ODAD2: variants seen among roughly 807,000 people sequenced by gnomAD.
The protein encoded by ODAD2 is outer dynein arm docking complex subunit 2, also known as outer dynein arm-docking complex subunit 2.
In ODAD2, 89 loss-of-function variants were observed where a neutral mutation model predicts 106.8. The ratio of observed to expected loss-of-function variants is 0.83; its 90% CI spans 0.70 to 0.99. ODAD2 has a LOEUF of 0.99. ODAD2 is among the 50% of genes least tolerant of loss of function. The probability of loss-of-function intolerance (pLI) is 0.00; values close to 1 mark genes in which losing one functional copy is unlikely to be tolerated. For missense variants in ODAD2, 1,168 were observed against 1,238.5 expected (o/e 0.94, Z 0.85); for synonymous variants, 404 against 436.2 (o/e 0.93, Z 0.92).
At chr10:27,874,285 C>G (rs1360116491) in intron 17 of ODAD2, among the ~76,000 whole-genome samples, 2 of 152,192 alleles carry the variant, frequency 1.3e-5, no homozygotes, top group Non-Finnish European at 2.9e-5. Flanking sequence ...ATACAGCACA[C>G]TGATGGGTCT....
chr10:27,864,029 T>TA (rs1405919712), intron 17 of ODAD2, among the ~76,000 whole-genome samples: 3 of 152,186 alleles, frequency 2.0e-5, no homozygotes, highest in African/African-American at 7.2e-5. Flanking sequence ...ATCAATTTTT[T>TA]ATCTTAGAAG....
At chr10:27,887,660 T>C (rs1451771846) in intron 17 of ODAD2, among the ~76,000 whole-genome samples, 1 of 151,792 alleles carries the variant, frequency 6.6e-6, no homozygotes, top group African/African-American at 2.4e-5. Flanking sequence ...AAAATAGAAA[T>C]TTGCAGCAGA....
rs375517220 is a variant in ODAD2, at chr10:27,885,656, A to T, written c.2610+22007T>A. ...AATATATATTATATATATTATATATAATATATTATATATAAAATATATATA... is the reference window on the plus strand; with the variant it reads ...AATATATATTATATATATTATATATTATATATTATATATAAAATATATATA... On this transcript the variant is annotated intron_variant, in intron 17 of 19. Coordinates refer to ENST00000305242, the MANE Select transcript of ODAD2 (RefSeq NM_018076.5). Among the ~76,000 whole-genome samples, 52 of 21,302 alleles carry T rather than the reference A, an allele frequency of 2.4e-3. 2 individuals are homozygous for T. Among genetic ancestry groups the T allele is most frequent in the Non-Finnish European group, 4.1e-3 (36 of 8,740 alleles). The allele number at this position is 21,302 out of a possible 152,430, so 14.0% of individuals were successfully genotyped here.
intron 19 of ODAD2, among the ~76,000 whole-genome samples, chr10:27,859,139 C>T (rs746892581): frequency 4.0e-5 from 6 of 151,784 alleles, no homozygotes; most frequent in Non-Finnish European, 8.8e-5. Flanking sequence ...GAAATATCTT[C>T]CTTTTTGAAA....
rs1437853389 is a variant in ODAD2 at position 27,981,576 on chromosome 10, T to C, written c.826A>G (p.Thr276Ala). 1.9e-6 allele frequency: 3 copies of C among 1,541,988 alleles called. No individual in the cohort carries two copies. Among genetic ancestry groups the C allele is most frequent in the Non-Finnish European group, 2.6e-6 (3 of 1,156,504 alleles). ...AGGVFLNGGK[T>A]DDEGDVNYER... ...TAATTAACGTCCCCTTCATCATCTGTTTTGCCCTTTGGGAAAAAACAAGTT... is the reference window on the plus strand; with the variant it reads ...TAATTAACGTCCCCTTCATCATCTGCTTTGCCCTTTGGGAAAAAACAAGTT... Residue 276 changes from threonine to alanine, a missense_variant, in exon 7 of 20, where the codon ACA becomes GCA. Transcript: ENST00000305242.
intron 10 of ODAD2, among the ~76,000 whole-genome samples, chr10:27,947,255 C>G (rs1234969581): frequency 6.6e-6 from 1 of 152,092 alleles, no homozygotes; most frequent in African/African-American, 2.4e-5. Flanking sequence ...TAAGCCAGTA[C>G]TTCCATTTCC....
At chr10:27,969,323 TTA>T in intron 8 of ODAD2, among the ~76,000 whole-genome samples, 1 of 152,022 alleles carries the variant, frequency 6.6e-6, no homozygotes, top group Non-Finnish European at 1.5e-5. Flanking sequence ...TCGCCGCCAA[TTA>T]TAGTTTTCTA....
At chr10:27,880,839 C>A (rs1841654798) in intron 17 of ODAD2, among the ~76,000 whole-genome samples, 1 of 152,140 alleles carries the variant, frequency 6.6e-6, no homozygotes, top group Admixed American at 6.6e-5. Flanking sequence ...TATAGGAGCA[C>A]AAATAGATCA....
chr10:27,909,797 G>A (rs1449863820), intron 16 of ODAD2, among the ~76,000 whole-genome samples: 4 of 110,806 alleles, frequency 3.6e-5, no homozygotes, highest in South Asian at 6.4e-4. Context: ...CAGCTTGGGC[G>A]ACAAAGTGAG....
Position 27,961,718 on chromosome 10 carries a change from A to T in ODAD2, c.1239-3T>A, listed in dbSNP as rs1848155689. ...CCTCAATCTTTTCAGCACTCTTCCT[A>T]AGAACAATAACAACACACATACACA... On this transcript the variant is annotated splice_region_variant and splice_polypyrimidine_tract_variant and intron_variant, in intron 9 of 19. Transcript: ENST00000305242. 1 of 1,600,998 alleles carries T rather than the reference A, an allele frequency of 6.2e-7. No homozygotes were observed. Among genetic ancestry groups the T allele is most frequent in the Non-Finnish European group, 8.5e-7 (1 of 1,173,524 alleles).
chr10:27,816,831 C>T (rs2132806308), intron 19 of ODAD2, among the ~76,000 whole-genome samples: 1 of 152,282 alleles, frequency 6.6e-6, no homozygotes, highest in Admixed American at 6.5e-5. Context: ...TCACTGCAAC[C>T]TCCGTCCCCT....
At chr10:27,834,023 T>C (rs1048152890) in intron 19 of ODAD2, among the ~76,000 whole-genome samples, 5 of 152,232 alleles carry the variant, frequency 3.3e-5, no homozygotes, top group African/African-American at 4.8e-5. Flanking sequence ...ACCAAGGTGC[T>C]GGCCAGAAGG....
chr10:27,970,110 A>C (rs1442979583), intron 8 of ODAD2, among the ~76,000 whole-genome samples: 1 of 116,726 alleles, frequency 8.6e-6, no homozygotes, highest in African/African-American at 4.4e-5. Context: ...AAAAATAAAT[A>C]AATAAATAAA....
chr10:27,851,817 C>T (rs1839286744), intron 19 of ODAD2, among the ~76,000 whole-genome samples: 1 of 152,086 alleles, frequency 6.6e-6, no homozygotes, highest in Non-Finnish European at 1.5e-5. Flanking sequence ...GCCCACAGAT[C>T]TCAGAAGCTT....
At chr10:27,880,775 T>C (rs972582596) in intron 17 of ODAD2, among the ~76,000 whole-genome samples, 5 of 152,178 alleles carry the variant, frequency 3.3e-5, no homozygotes, top group East Asian at 3.8e-4. Context: ...GCCTCCAGAA[T>C]TGTAAGACAT....
At chr10:27,859,614 G>A (rs1839903212) in intron 19 of ODAD2, among the ~76,000 whole-genome samples, 1 of 152,092 alleles carries the variant, frequency 6.6e-6, no homozygotes, top group Non-Finnish European at 1.5e-5. Flanking sequence ...GTTGTCATAG[G>A]CTCCAAATGA....
At chr10:27,957,887 G>T (rs1345662332) in intron 10 of ODAD2, among the ~76,000 whole-genome samples, 1 of 152,086 alleles carries the variant, frequency 6.6e-6, no homozygotes, top group African/African-American at 2.4e-5. Flanking sequence ...TTGGAAAATG[G>T]TAAATAGAAA....
rs560508452 is a variant in ODAD2 at position 27,940,183 on chromosome 10, T to TTG, written c.1987-178_1987-177dup. Among the ~76,000 whole-genome samples, 198 of 151,834 alleles carry TTG rather than the reference T, an allele frequency of 1.3e-3. 2 individuals carry two copies. Among genetic ancestry groups the TTG allele is most frequent in the East Asian group, 0.011 (59 of 5,172 alleles). On this transcript the variant is annotated intron_variant, in intron 13 of 19. Coordinates refer to ENST00000305242, the MANE Select transcript of ODAD2 (RefSeq NM_018076.5). ...TGAATTAATATACACATATGTGTGT[T>TTG]TGTGTGTGTGTATATATATATAGTG...
chr10:27,929,909 G>A (rs1467366197), intron 16 of ODAD2, among the ~76,000 whole-genome samples: 1 of 151,738 alleles, frequency 6.6e-6, no homozygotes, highest in Non-Finnish European at 1.5e-5. Context: ...GATCTTTTGG[G>A]GTCTTTTTGA....
Sources: allele counts gnomAD v4.1 joint callset (sites outside exome capture counted in the v4.1 genomes callset), GRCh38; gene constraint gnomAD v4.1.1; transcripts MANE v1.5; gene names NCBI Gene and HGNC (gene_info 2026-07-23, HGNC 2026-07-21).